Variants in MAP3K8 observed in about 807,000 individuals in gnomAD.
MAP3K8 encodes mitogen-activated protein kinase kinase kinase 8, also known as Ewing sarcoma transformant.
In MAP3K8, 22 loss-of-function variants were observed where a neutral mutation model predicts 45.8. That is an observed-to-expected ratio of 0.48 (90% CI 0.34 to 0.69). The LOEUF (loss-of-function observed/expected upper bound fraction) is 0.69, where lower values mean the gene tolerates loss of function less well. Among genes scored for constraint, MAP3K8 ranks in the 30% least tolerant of loss-of-function variants. The pLI, the probability that MAP3K8 is intolerant of heterozygous loss-of-function variation, is 0.01. For synonymous variants in MAP3K8, 223 were observed against 214.3 expected, an observed-to-expected ratio of 1.04 and a Z score of -0.36; for missense variants, 419 against 585.0, an observed-to-expected ratio of 0.72 and a Z score of 2.93.
intron 3 of MAP3K8, among the ~76,000 whole-genome samples, chr10:30,447,310 G>A (rs927102322): frequency 2.0e-5 from 3 of 152,162 alleles, no homozygotes; most frequent in Non-Finnish European, 4.4e-5. Flanking sequence ...CATACGCTGT[G>A]GTTTTCCAAA....
At chr10:30,456,642 T>C (rs1836737747) in intron 6 of MAP3K8, among the ~76,000 whole-genome samples, 1 of 152,238 alleles carries the variant, frequency 6.6e-6, no homozygotes, top group South Asian at 2.1e-4. Flanking sequence ...CAGCCATGAA[T>C]ACAAATCACT....
chr10:30,454,745 CTG>C (rs990859599), intron 6 of MAP3K8, among the ~76,000 whole-genome samples: 4 of 150,708 alleles, frequency 2.7e-5, no homozygotes, highest in African/African-American at 7.3e-5. Context: ...AGAAGGGAAG[CTG>C]TACTTTTTTT....
At chr10:30,444,848 A>G (rs886498048) in intron 3 of MAP3K8, among the ~76,000 whole-genome samples, 1 of 152,186 alleles carries the variant, frequency 6.6e-6, no homozygotes, top group African/African-American at 2.4e-5. Context: ...TACCCAGACT[A>G]GGAGGTATGC....
chr10:30,437,139 C>T, intron 1 of MAP3K8, 37 bp from the exon 2 acceptor site: 2 of 984,662 alleles, frequency 2.0e-6, no homozygotes, highest in Non-Finnish European at 2.4e-6. Flanking sequence ...TCATAGGTTT[C>T]TGCCTTTTTT....
chr10:30,439,155 T>C lies in MAP3K8; in HGVS notation c.217T>C (p.Leu73=). Residue 73 remains leucine, a synonymous_variant, in exon 3 of 9, where the codon TTG becomes CTG. Transcript: ENST00000263056. ...LLLSGQEVPW[L]SSVRYGTVED... is the part of the protein sequence containing the mutation. The stretch of plus-strand genomic sequence containing the variant: ...GCTTAGTGGCCAAGAGGTACCATGG[T>C]TGTCATCAGTCAGATATGGAACTGT... 6.2e-7 allele frequency: 1 copy of C among 1,614,206 alleles called. No individual in the cohort carries two copies. The highest frequency in any genetic ancestry group is 1.1e-5 in the South Asian group (1 of 91,086).
Position 30,460,836 on chromosome 10 carries a change from A to G in MAP3K8, c.1404A>G (p.Ter468TrpextTer7), listed in dbSNP as rs750169451. The G allele has an allele frequency of 6.2e-7, 1 of 1,613,378 alleles. No individual in the cohort carries two copies. The highest frequency in any genetic ancestry group is 8.5e-7 in the Non-Finnish European group (1 of 1,179,938). Residue 468 changes from the stop codon to tryptophan, a stop_lost, in exon 9 of 9, where the codon TGA becomes TGG. Coordinates refer to ENST00000263056, the MANE Select transcript of MAP3K8 (RefSeq NM_005204.4). Reference protein sequence around the residue: ...VRGPPTLEYG* With the variant: ...VRGPPTLEYGW ...GACCACCAACGCTTGAATATGGCTG[A>G]AGGATGCCATGTTTGCTCTAAATTA...
intron 6 of MAP3K8, among the ~76,000 whole-genome samples, chr10:30,452,907 G>T (rs1361171822): frequency 6.6e-6 from 1 of 151,360 alleles, no homozygotes; most frequent in Non-Finnish European, 1.5e-5. Context: ...ATGAACTGTT[G>T]GCCTCAAGTG....
chr10:30,453,936 GAAGGAAGGAAGGAAGGAAGGAGAAAGAAA>G (rs1836642490), intron 6 of MAP3K8, among the ~76,000 whole-genome samples: 1 of 149,190 alleles, frequency 6.7e-6, no homozygotes, highest in Non-Finnish European at 1.5e-5. Context: ...AGGAAGGAAG[GAAGGAAGGAAGGAAGGAAGGAGAAAGAAA>G]AAGGAAGGAA....
intron 6 of MAP3K8, among the ~76,000 whole-genome samples, chr10:30,453,511 G>A (rs1478120862): frequency 1.3e-5 from 2 of 152,124 alleles, no homozygotes; most frequent in Admixed American, 6.6e-5. Context: ...TGAAAAATGC[G>A]TTCGCGGGCT....
intron 3 of MAP3K8, among the ~76,000 whole-genome samples, chr10:30,445,680 AC>A (rs1836300037): frequency 6.6e-6 from 1 of 152,194 alleles, no homozygotes; most frequent in African/African-American, 2.4e-5. Context: ...GAGGCGACAT[AC>A]AGGTTATCTT....
At chr10:30,439,561 G>A (rs912428894) in intron 3 of MAP3K8, 25 of 564,052 alleles carry the variant, frequency 4.4e-5, no homozygotes, top group Admixed American at 6.9e-5. Context: ...TGTAATCCGC[G>A]CACTTGGAGA....
chr10:30,441,357 A>G (rs796071339), intron 3 of MAP3K8, among the ~76,000 whole-genome samples: 16 of 152,200 alleles, frequency 1.1e-4, no homozygotes, highest in African/African-American at 3.9e-4. Flanking sequence ...GGTTTTCACC[A>G]TGTTGGCCAG....
At chr10:30,435,844 T>TA (rs1226221379) in intron 1 of MAP3K8, among the ~76,000 whole-genome samples, 1 of 152,224 alleles carries the variant, frequency 6.6e-6, no homozygotes, top group Non-Finnish European at 1.5e-5. Context: ...GTGCCCGGCC[T>TA]AAAAAAATAT....
intron 2 of MAP3K8, among the ~76,000 whole-genome samples, chr10:30,438,482 CATAAAAAA>C (rs1564363202): frequency 6.6e-6 from 1 of 152,116 alleles, no homozygotes; most frequent in Non-Finnish European, 1.5e-5. Flanking sequence ...TCACCAGAGG[CATAAAAAA>C]GCCATAGCGA....
rs182951612 is a variant in MAP3K8 at position 30,451,909 on chromosome 10, G to C, written c.873+165G>C. Among the ~76,000 whole-genome samples the C allele has an allele frequency of 1.6e-3, 243 of 152,210 alleles. 1 individual carries two copies. Among genetic ancestry groups the C allele is most frequent in the Non-Finnish European group, 2.7e-3 (183 of 68,002 alleles). On this transcript the variant is annotated intron_variant, in intron 6 of 8. Coordinates refer to ENST00000263056, the MANE Select transcript of MAP3K8 (RefSeq NM_005204.4). ...TTAATGAGCACTTGCTCTGTGTCAA[G>C]TACTAAGTTTAGCACTTGATTTTTT... is the stretch of plus-strand genomic sequence containing the variant.
At chr10:30,452,484 T>A (rs192530503) in intron 6 of MAP3K8, among the ~76,000 whole-genome samples, 1 of 150,502 alleles carries the variant, frequency 6.6e-6, no homozygotes, top group Non-Finnish European at 1.5e-5. Context: ...AAAAAAAAAA[T>A]TAGCTCAGTG....
rs185155799 is a variant in MAP3K8 at position 30,448,722 on chromosome 10, G to A, written c.504+773G>A. Among the ~76,000 whole-genome samples the A allele has an allele frequency of 5.7e-3, 862 of 152,030 alleles. 3 individuals are homozygous for A. The highest frequency in any genetic ancestry group is 0.02 in the Middle Eastern group (6 of 294). ...GCTGGGATTACAGGCATAAGCCACC[G>A]CGCCCTGCCCTTATCCCTTCTTATT... On this transcript the variant is annotated intron_variant, in intron 4 of 8. Coordinates refer to ENST00000263056, the MANE Select transcript of MAP3K8 (RefSeq NM_005204.4).
intron 8 of MAP3K8, among the ~76,000 whole-genome samples, 196 bp downstream of exon 8, chr10:30,459,697 A>G (rs2132838099): frequency 6.6e-6 from 1 of 152,272 alleles, no homozygotes; most frequent in South Asian, 2.1e-4. Context: ...GCACCAAATT[A>G]TAACAGATTT....
chr10:30,445,575 CTCT>C (rs1369871018), intron 3 of MAP3K8, among the ~76,000 whole-genome samples: 1 of 152,118 alleles, frequency 6.6e-6, no homozygotes. Context: ...TCAGCAAGTG[CTCT>C]TGAGTGTTGT....
Sources: gnomAD v4.1 joint callset for allele counts (sites outside exome capture counted in the v4.1 genomes callset) on GRCh38, gnomAD v4.1.1 for gene constraint, MANE v1.5 for transcripts, NCBI Gene and HGNC (gene_info 2026-07-23, HGNC 2026-07-21) for gene names.